STPG2: variants seen among roughly 807,000 people sequenced by gnomAD.
The protein encoded by STPG2 is sperm tail PG-rich repeat containing 2.
A neutral mutation model predicts 54.2 loss-of-function variants in STPG2; 56 were observed. The ratio of observed to expected loss-of-function variants is 1.03; its 90% CI spans 0.83 to 1.29. The LOEUF is 1.29. STPG2 is among the 50% of genes most tolerant of loss of function. STPG2 has a pLI of 0.00. For synonymous variants in STPG2, 200 were observed against 181.8 expected (o/e 1.10, Z -0.81); for missense variants, 596 against 544.9 (o/e 1.09, Z -0.93).
intron 8 of STPG2, among the ~76,000 whole-genome samples, chr4:97,882,429 T>C (rs547076556): frequency 6.6e-6 from 1 of 152,202 alleles, no homozygotes. Context: ...CAGGTGCAGA[T>C]CCCTGGAGAA....
chr4:97,466,626 ATGTC>A (rs1183084617), intron 4 of STPG2, among the ~76,000 whole-genome samples: 3 of 152,064 alleles, frequency 2.0e-5, no homozygotes, highest in African/African-American at 7.2e-5. Flanking sequence ...TTTTAGATGA[ATGTC>A]TATTACATTT....
At chr4:98,063,226 G>A (rs1443489087) in intron 5 of STPG2, among the ~76,000 whole-genome samples, 2 of 151,934 alleles carry the variant, frequency 1.3e-5, no homozygotes, top group Admixed American at 6.6e-5. Context: ...CTAGGTGGGC[G>A]GATCACAAGG....
At chr4:97,640,420 C>A (rs1451712539) in intron 10 of STPG2, among the ~76,000 whole-genome samples, 1 of 151,678 alleles carries the variant, frequency 6.6e-6, no homozygotes, top group Non-Finnish European at 1.5e-5. Context: ...AAAATTGGTA[C>A]AGAAAAGTGA....
chr4:98,140,955 T>G (rs1264948567), intron 1 of STPG2, among the ~76,000 whole-genome samples: 2 of 152,146 alleles, frequency 1.3e-5, no homozygotes, highest in Non-Finnish European at 2.9e-5. Context: ...AATCAGAATA[T>G]GGATAGCAAA....
chr4:98,142,433 G>A (rs1449961800), intron 1 of STPG2, among the ~76,000 whole-genome samples: 1 of 151,974 alleles, frequency 6.6e-6, no homozygotes, highest in Non-Finnish European at 1.5e-5. Flanking sequence ...AAACAAACGA[G>A]GAGAGCAAAT....
intron 5 of STPG2, among the ~76,000 whole-genome samples, 172 bp from the exon 6 acceptor site, chr4:97,981,490 T>C (rs1283664921): frequency 1.3e-5 from 2 of 152,134 alleles, no homozygotes; most frequent in East Asian, 3.9e-4. Context: ...ATAAAATATA[T>C]AGCTTTTAGT....
Position 97,668,806 on chromosome 4 carries a change from C to T in STPG2, c.1320+43893G>A, listed in dbSNP as rs147529448. On this transcript the variant is annotated intron_variant, in intron 10 of 10. Coordinates refer to ENST00000295268, the MANE Select transcript of STPG2 (RefSeq NM_174952.3). ...GGGGAAGCAGAGTTTACATTATCAGCGGGTCATTCCGAAGCTGATCTTAGT... is the reference window on the plus strand; with the variant it reads ...GGGGAAGCAGAGTTTACATTATCAGTGGGTCATTCCGAAGCTGATCTTAGT... 2.6e-3 allele frequency among the ~76,000 whole-genome samples: 390 copies of T among 152,048 alleles called. 1 individual carries two copies. Among genetic ancestry groups the T allele is most frequent in the Non-Finnish European group, 4.2e-3 (286 of 67,940 alleles).
At chr4:97,629,780 G>A (rs1721208507) in intron 10 of STPG2, among the ~76,000 whole-genome samples, 2 of 151,860 alleles carry the variant, frequency 1.3e-5, no homozygotes, top group Admixed American at 1.3e-4. Context: ...GGTAATAGAA[G>A]GAATGAAAGT....
intron 8 of STPG2, among the ~76,000 whole-genome samples, chr4:97,853,403 G>A (rs1477480878): frequency 6.6e-6 from 1 of 152,140 alleles, no homozygotes; most frequent in African/African-American, 2.4e-5. Context: ...TTCTGCACAT[G>A]TATCCCAGAA....
chr4:98,077,902 G>T (rs1242539894), intron 5 of STPG2, among the ~76,000 whole-genome samples: 1 of 152,080 alleles, frequency 6.6e-6, no homozygotes, highest in Non-Finnish European at 1.5e-5. Flanking sequence ...TTGTGCAATT[G>T]CCCTCCAACA....
rs1266188420 is a variant in STPG2 at position 97,908,485 on chromosome 4, T to TA, written c.1044+35411dup. 2.6e-3 allele frequency among the ~76,000 whole-genome samples: 388 copies of TA among 150,980 alleles called. 3 individuals carry two copies. Among genetic ancestry groups the TA allele is most frequent in the African/African-American group, 8.8e-3 (362 of 41,096 alleles). ...TTCCTCAGGGATCTAGAACTAGAAA[T>TA]ACCATTTGACCCAGCCATCCCATTA... On this transcript the variant is annotated intron_variant, in intron 8 of 10. Transcript: ENST00000295268.
intron 8 of STPG2, among the ~76,000 whole-genome samples, chr4:97,906,837 C>T (rs1200367101): frequency 6.6e-6 from 1 of 152,174 alleles, no homozygotes; most frequent in Non-Finnish European, 1.5e-5. Context: ...TAAAAATTCT[C>T]AATAAATTAG....
intron 5 of STPG2, among the ~76,000 whole-genome samples, chr4:98,024,290 G>A (rs1736339561): frequency 6.6e-6 from 1 of 152,176 alleles, no homozygotes; most frequent in African/African-American, 2.4e-5. Flanking sequence ...CTCCCATCAT[G>A]CTATCATCAT....
chr4:97,476,831 A>G (rs1730084111), intron 4 of STPG2, among the ~76,000 whole-genome samples: 1 of 152,218 alleles, frequency 6.6e-6, no homozygotes, highest in Admixed American at 6.5e-5. Context: ...TTTCATCCCA[A>G]CAATAAACTC....
chr4:97,483,232 T>C (rs946558791), intron 4 of STPG2, among the ~76,000 whole-genome samples: 16 of 151,696 alleles, frequency 1.1e-4, no homozygotes, highest in Non-Finnish European at 2.1e-4. Flanking sequence ...CACATCTCAA[T>C]ACTAACATTC....
At chr4:97,620,777 A>C (rs887604195) in intron 10 of STPG2, among the ~76,000 whole-genome samples, 25 of 152,060 alleles carry the variant, frequency 1.6e-4, no homozygotes, top group Middle Eastern at 3.4e-3. Context: ...CTTGAACTCA[A>C]CGATAGACAT....
At chr4:98,049,215 A>G (rs1267871188) in intron 5 of STPG2, among the ~76,000 whole-genome samples, 1 of 152,220 alleles carries the variant, frequency 6.6e-6, no homozygotes, top group Non-Finnish European at 1.5e-5. Flanking sequence ...TGTGGGGTAG[A>G]AGGGTCTCTA....
At chr4:98,050,731 C>T (rs1036444700) in intron 5 of STPG2, among the ~76,000 whole-genome samples, 12 of 152,224 alleles carry the variant, frequency 7.9e-5, no homozygotes, top group African/African-American at 1.2e-4. Flanking sequence ...GGAAGCCGGG[C>T]GCGGTGGCTC....
intron 9 of STPG2, among the ~76,000 whole-genome samples, chr4:97,827,411 A>G (rs1169522591): frequency 6.6e-6 from 1 of 151,634 alleles, no homozygotes; most frequent in Non-Finnish European, 1.5e-5. Flanking sequence ...AATTTTTTGT[A>G]TTTTTAGTAG....
Sources: gnomAD v4.1 joint callset for allele counts (sites outside exome capture counted in the v4.1 genomes callset) on GRCh38, gnomAD v4.1.1 for gene constraint, MANE v1.5 for transcripts, NCBI Gene and HGNC (gene_info 2026-07-23, HGNC 2026-07-21) for gene names.